The following CSRP3 variants were observed in gnomAD, a reference collection of about 807,000 sequenced individuals.
CSRP3 encodes the protein cysteine and glycine rich protein 3, also known as cysteine and glycine-rich protein 3.
In CSRP3, 24 loss-of-function variants were observed where a neutral mutation model predicts 24.3. The ratio of observed to expected loss-of-function variants is 0.99; its 90% confidence interval spans 0.71 to 1.39. The LOEUF is 1.39. Among genes scored for constraint, CSRP3 ranks in the 40% most tolerant of loss-of-function variants. The pLI is 0.00. For synonymous variants in CSRP3, 105 were observed against 94.0 expected, an observed-to-expected ratio of 1.12 and a Z score of -0.68; for missense variants, 240 against 249.0, an observed-to-expected ratio of 0.96 and a Z score of 0.24.
intron 1 of CSRP3, among the ~76,000 whole-genome samples, chr11:19,192,911 C>A (rs570716919): frequency 6.6e-6 from 1 of 151,970 alleles, no homozygotes; most frequent in Admixed American, 6.6e-5. Context: ...TCACCTTAGA[C>A]CTTGCTAAAT....
At chr11:19,198,456 C>T (rs369038968) in intron 1 of CSRP3, among the ~76,000 whole-genome samples, 36 of 152,162 alleles carry the variant, frequency 2.4e-4, no homozygotes, top group Non-Finnish European at 3.1e-4. Flanking sequence ...TTCTGAGTTA[C>T]GGCTGTTCAA....
chr11:19,194,878 C>G (rs1023008575), intron 1 of CSRP3, among the ~76,000 whole-genome samples: 1 of 152,082 alleles, frequency 6.6e-6, no homozygotes, highest in Non-Finnish European at 1.5e-5. Context: ...AAGTACTGCA[C>G]TAAGTACTCA....
At chr11:19,190,744 C>T (rs959791226) in intron 2 of CSRP3, among the ~76,000 whole-genome samples, 3 of 152,118 alleles carry the variant, frequency 2.0e-5, no homozygotes, top group African/African-American at 4.8e-5. Context: ...TGCCTGCGGA[C>T]AGACAGGTGA....
chr11:19,186,394 A>G (rs1261691438), intron 3 of CSRP3, 46 bp from the exon 4 acceptor site: 2 of 1,613,388 alleles, frequency 1.2e-6, no homozygotes, highest in Admixed American at 3.3e-5. Context: ...TCCCTTGGCA[A>G]AGAGTAGAAG....
At chr11:19,194,819 C>T (rs1019653257) in intron 1 of CSRP3, among the ~76,000 whole-genome samples, 5 of 152,154 alleles carry the variant, frequency 3.3e-5, no homozygotes, top group Non-Finnish European at 5.9e-5. Context: ...CACATTCATT[C>T]GTTCATTCAT....
intron 1 of CSRP3, among the ~76,000 whole-genome samples, chr11:19,201,259 G>A (rs1444121092): frequency 1.3e-5 from 2 of 152,108 alleles, no homozygotes; most frequent in African/African-American, 4.8e-5. Flanking sequence ...ATGTCTTTTT[G>A]GGGTCCAGTT....
At chr11:19,187,647 T>C (rs1348319757) in intron 3 of CSRP3, among the ~76,000 whole-genome samples, 1 of 152,182 alleles carries the variant, frequency 6.6e-6, no homozygotes, top group Non-Finnish European at 1.5e-5. Flanking sequence ...AGAAAAATCA[T>C]GATTGATTGT....
At chr11:19,188,641 TGTGTG>T (rs1377288823) in intron 2 of CSRP3, among the ~76,000 whole-genome samples, 1 of 151,598 alleles carries the variant, frequency 6.6e-6, no homozygotes, top group African/African-American at 2.4e-5. Flanking sequence ...TGTGTGTGTG[TGTGTG>T]TGTGTTTGTG....
chr11:19,188,346 C>A (rs760412024), intron 2 of CSRP3, 42 bp from the exon 3 acceptor site: 2 of 1,606,176 alleles, frequency 1.2e-6, no homozygotes, highest in Non-Finnish European at 1.7e-6. Flanking sequence ...AATTGAAATC[C>A]TTCTCCCCTT....
At chr11:19,199,148 T>G (rs770056648) in intron 1 of CSRP3, among the ~76,000 whole-genome samples, 2 of 151,810 alleles carry the variant, frequency 1.3e-5, no homozygotes, top group Non-Finnish European at 2.9e-5. Flanking sequence ...TCGGTCCCCT[T>G]GCGTTGTTGG....
At chr11:19,184,052 A>G (rs977507305) in intron 5 of CSRP3, among the ~76,000 whole-genome samples, 2 of 152,204 alleles carry the variant, frequency 1.3e-5, no homozygotes, top group African/African-American at 2.4e-5. Context: ...TGAGTCCATT[A>G]AACCTCTTTT....
chr11:19,197,195 C>A (rs1227967180), intron 1 of CSRP3, among the ~76,000 whole-genome samples: 1 of 152,068 alleles, frequency 6.6e-6, no homozygotes, highest in Non-Finnish European at 1.5e-5. Flanking sequence ...ACTGTCATAT[C>A]ATTCTGTAAA....
At chr11:19,188,070 A>G in intron 3 of CSRP3, 66 bp downstream of exon 3, 1 of 1,594,932 alleles carries the variant, frequency 6.3e-7, no homozygotes, top group South Asian at 1.1e-5. Context: ...TTGCTATGGG[A>G]ACGAAATGAA....
At position 19,182,640 on chromosome 11, in the gene CSRP3, C is replaced by T. The variant is rs757882490; in HGVS notation, c.*30G>A. On this transcript the variant is annotated 3_prime_UTR_variant, in exon 6 of 6. Coordinates refer to ENST00000265968, the MANE Select transcript of CSRP3 (RefSeq NM_003476.5). The stretch of plus-strand genomic sequence containing the variant: ...GATTACTTGGCAAGTGTTTTAGGCT[C>T]GCAAAAAATCTGAGAAACGGCGCAC... 31 of 1,595,116 alleles carry T rather than the reference C, an allele frequency of 1.9e-5. No individual in the cohort carries two copies. Among genetic ancestry groups the T allele is most frequent in the African/African-American group, 5.4e-5 (4 of 74,444 alleles).
chr11:19,191,178 C>A (rs1208635516), intron 2 of CSRP3, among the ~76,000 whole-genome samples: 1 of 152,212 alleles, frequency 6.6e-6, no homozygotes, highest in Non-Finnish European at 1.5e-5. Context: ...TGCCCAAAAT[C>A]TCAGTGAGTA....
At position 19,188,310 on chromosome 11, in the gene CSRP3, A is replaced by G. The variant is rs773218235; in HGVS notation, c.113-6T>C. The G allele has an allele frequency of 1.2e-6, 2 of 1,612,110 alleles. No homozygotes were observed. The highest frequency in any genetic ancestry group is 1.7e-6 in the Non-Finnish European group (2 of 1,180,004). ...AAGAGCCTTCCTGCAGGCCACTGCC[A>G]GGAAAAGGAAGGGTCATGGGATTGG... On this transcript the variant is annotated splice_region_variant and splice_polypyrimidine_tract_variant and intron_variant, in intron 2 of 5. Coordinates refer to ENST00000265968, the MANE Select transcript of CSRP3 (RefSeq NM_003476.5).
At chr11:19,196,578 C>T (rs1850709891) in intron 1 of CSRP3, among the ~76,000 whole-genome samples, 2 of 152,184 alleles carry the variant, frequency 1.3e-5, no homozygotes, top group South Asian at 4.1e-4. Flanking sequence ...CAACACTCCC[C>T]TAGACACTCC....
At chr11:19,192,801 G>GT (rs571992134) in intron 1 of CSRP3, among the ~76,000 whole-genome samples, 423 of 147,834 alleles carry the variant, frequency 2.9e-3, no homozygotes, top group Admixed American at 5.3e-3. Flanking sequence ...TACAAAGATC[G>GT]TTTTTTTTTT....
rs961016614 is a variant in CSRP3, at chr11:19,186,367, T to C, written c.282-19A>G. On this transcript the variant is annotated intron_variant, in intron 3 of 5. Coordinates refer to ENST00000265968, the MANE Select transcript of CSRP3 (RefSeq NM_003476.5). ...TGGGGACCTGTTGGAAATAGACGAA[T>C]GAATGAAACGTAGATTTCCCTTGGC... 1.2e-6 allele frequency: 2 copies of C among 1,614,144 alleles called. No homozygotes were observed. The highest frequency in any genetic ancestry group is 1.7e-5 in the Admixed American group (1 of 60,018).
Sources: gnomAD v4.1 joint callset for allele counts (sites outside exome capture counted in the v4.1 genomes callset) on GRCh38, gnomAD v4.1.1 for gene constraint, MANE v1.5 for transcripts, NCBI Gene and HGNC (gene_info 2026-07-23, HGNC 2026-07-21) for gene names.